Variants in SMG1 observed in about 807,000 individuals in gnomAD.
SMG1 encodes SMG1 nonsense mediated mRNA decay associated PI3K related kinase.
A neutral mutation model predicts 419.9 loss-of-function variants in SMG1; 22 were observed. The ratio of observed to expected loss-of-function variants is 0.05; its 90% CI spans 0.04 to 0.07. The LOEUF (loss-of-function observed/expected upper bound fraction) is 0.07. Among genes scored for constraint, SMG1 ranks in the 10% least tolerant of loss-of-function variants. The pLI is 1.00. For synonymous variants in SMG1, 1,538 were observed against 1,553.5 expected (o/e 0.99, Z 0.23); for missense variants, 3,185 against 4,342.0 (o/e 0.73, Z 7.49).
chr16:18,815,364 A>G (rs2031908968), intron 59 of SMG1, 76 bp downstream of exon 59: 2 of 1,570,560 alleles, frequency 1.3e-6, no homozygotes, highest in Admixed American at 3.5e-5. Flanking sequence ...CTGAAAAATT[A>G]AATCAAGAGA....
At chr16:18,846,527 T>TA (rs1166812421) in intron 38 of SMG1, among the ~76,000 whole-genome samples, 7 of 151,494 alleles carry the variant, frequency 4.6e-5, no homozygotes, top group Admixed American at 1.3e-4. Context: ...AATTCAACAA[T>TA]AAAAAAACAA....
intron 13 of SMG1, chr16:18,875,213 G>T (rs1402466190): frequency 6.6e-6 from 1 of 152,516 alleles, no homozygotes; most frequent in African/African-American, 2.4e-5. Flanking sequence ...CATCATACTG[G>T]TGCTCAAAAA....
intron 1 of SMG1, among the ~76,000 whole-genome samples, chr16:18,918,643 G>A (rs1485266038): frequency 6.6e-6 from 1 of 152,150 alleles, no homozygotes; most frequent in African/African-American, 2.4e-5. Context: ...TCACCTCCTG[G>A]GTTCAAGCGA....
At chr16:18,894,612 T>C (rs1373792572) in intron 3 of SMG1, among the ~76,000 whole-genome samples, 1 of 148,370 alleles carries the variant, frequency 6.7e-6, no homozygotes, top group Non-Finnish European at 1.5e-5. Context: ...TTAAAAGTTA[T>C]ATACCAACAA....
intron 1 of SMG1, among the ~76,000 whole-genome samples, chr16:18,898,630 G>A (rs528883292): frequency 3.3e-5 from 5 of 152,238 alleles, no homozygotes; most frequent in African/African-American, 1.2e-4. Flanking sequence ...GACAGAGTTT[G>A]AACTTTATAT....
intron 42 of SMG1, 143 bp from the exon 43 acceptor site, chr16:18,838,832 C>T: frequency 3.1e-6 from 2 of 647,816 alleles, no homozygotes; most frequent in Admixed American, 3.0e-5. Flanking sequence ...AAGCATTCCT[C>T]AAGGTTGCTG....
At chr16:18,812,194 A>T in intron 60 of SMG1, 67 bp from the exon 61 acceptor site, 1 of 1,483,012 alleles carries the variant, frequency 6.7e-7, no homozygotes, top group Non-Finnish European at 9.2e-7. Flanking sequence ...GAGTGGAGCA[A>T]GCACGGGATA....
intron 1 of SMG1, among the ~76,000 whole-genome samples, chr16:18,916,156 A>C (rs182080116): frequency 1.6e-4 from 24 of 151,384 alleles, no homozygotes; most frequent in Non-Finnish European, 2.9e-4. Flanking sequence ...AAGCACCACA[A>C]TAGAATTCAA....
rs1470967383 is a variant in SMG1 at position 18,805,992 on chromosome 16, CAAGT to C, written c.*3573_*3576del. On this transcript the variant is annotated 3_prime_UTR_variant, in exon 63 of 63. Coordinates refer to ENST00000446231, the MANE Select transcript of SMG1 (RefSeq NM_015092.5). ...TCCTTTGATTTCAGTACTGCCAAAA[CAAGT>C]AAGCCCCCAGAGTTAATTACAAAAA... is the stretch of plus-strand genomic sequence containing the variant. The C allele has an allele frequency of 6.6e-6, 1 of 152,492 alleles. No individual in the cohort carries two copies. Among genetic ancestry groups the C allele is most frequent in the Non-Finnish European group, 1.5e-5 (1 of 67,996 alleles). 9.4% of individuals were successfully genotyped at this position (152,492 alleles called of 1,614,324 possible). A position where few individuals can be genotyped will look rare whatever the true frequency, so the allele number is the denominator to read the frequency against.
intron 10 of SMG1, among the ~76,000 whole-genome samples, chr16:18,881,188 A>G (rs2036379479): frequency 6.6e-6 from 1 of 151,776 alleles, no homozygotes; most frequent in African/African-American, 2.4e-5. Context: ...AAGGCCTAAA[A>G]GATCCTCATA....
intron 6 of SMG1, among the ~76,000 whole-genome samples, chr16:18,886,533 T>A (rs2036619332): frequency 6.6e-6 from 1 of 152,230 alleles, no homozygotes; most frequent in Admixed American, 6.5e-5. Flanking sequence ...CTGGGTGCAG[T>A]GGCTCACACC....
In SMG1 at chr16:18,816,510, G is replaced by T. The variant is rs773658150; in HGVS notation, c.10094C>A (p.Pro3365His). 1 of 1,613,896 alleles carries T rather than the reference G, an allele frequency of 6.2e-7. No individual in the cohort carries two copies. Among genetic ancestry groups the T allele is most frequent in the South Asian group, 1.1e-5 (1 of 91,070 alleles). Reference protein sequence around the residue: ...LQRVDTGLEHPIGSSEWLLSA... With the variant: ...LQRVDTGLEHHIGSSEWLLSA... ...CAAAAGCCATTCAGAGCTGCCAATA[G>T]GATGTTCAAGACCAGTGTCCTAAAT... Residue 3365 changes from proline (P) to histidine (H), a missense_variant, in exon 58 of 63, where the codon CCT (proline) becomes CAT (histidine). Pro to His is a moderately conservative substitution (Grantham distance 77). Coordinates refer to ENST00000446231, the MANE Select transcript of SMG1 (RefSeq NM_015092.5).
chr16:18,871,823 C>T (rs1046754052), intron 15 of SMG1, among the ~76,000 whole-genome samples: 57 of 151,634 alleles, frequency 3.8e-4, no homozygotes, highest in African/African-American at 1.2e-3. Context: ...CCTGTAATCG[C>T]GGCTACTTGG....
At chr16:18,864,211 T>TG in intron 23 of SMG1, 67 bp from the exon 24 acceptor site, 1 of 1,285,622 alleles carries the variant, frequency 7.8e-7, no homozygotes, top group Non-Finnish European at 1.0e-6. Context: ...TTTTTTTTTT[T>TG]TGTGATGAAG....
At chr16:18,861,024 C>T in intron 25 of SMG1, 1 of 384,564 alleles carries the variant, frequency 2.6e-6, no homozygotes, top group South Asian at 2.9e-5. Flanking sequence ...GGAGCTGACT[C>T]GCCCCTGTGT....
chr16:18,879,477 A>G lies in SMG1; in HGVS notation c.1518+18T>C. 1.3e-6 allele frequency: 1 copy of G among 751,708 alleles called. No homozygotes were observed. 46.6% of individuals were successfully genotyped at this position (751,708 alleles called of 1,614,324 possible). On this transcript the variant is annotated intron_variant, in intron 11 of 62. Coordinates refer to ENST00000446231, the MANE Select transcript of SMG1 (RefSeq NM_015092.5). ...GAATAAACCAACACATTAAAAAGGA[A>G]AAGAATAATTCACATACCAGCGTGA...
chr16:18,890,253 C>T (rs1166527849), intron 5 of SMG1, among the ~76,000 whole-genome samples: 2 of 152,212 alleles, frequency 1.3e-5, no homozygotes, highest in Non-Finnish European at 1.5e-5. Flanking sequence ...TTTACAAAAA[C>T]TAATTTTATT....
In SMG1 at chr16:18,859,270, G is replaced by A. The variant is rs1051345676; in HGVS notation, c.3954-89C>T. On this transcript the variant is annotated intron_variant, in intron 27 of 62. Coordinates refer to ENST00000446231, the MANE Select transcript of SMG1 (RefSeq NM_015092.5). Reference sequence around the variant, plus strand: ...GCAATTGATAAGATGCTATCAAACTGACATCCAAAGTTAGGGGGCAGTAAG... The same window carrying A: ...GCAATTGATAAGATGCTATCAAACTAACATCCAAAGTTAGGGGGCAGTAAG... The A allele has an allele frequency of 9.2e-6, 9 of 982,426 alleles. No homozygotes were observed. The African/African-American group carries it at 1.3e-4, about 14-fold the overall frequency. 60.9% of individuals were successfully genotyped at this position (982,426 alleles called of 1,614,324 possible).
rs919259483 is a variant in SMG1, at chr16:18,806,847, T to G, written c.*2722A>C. 2.6e-5 allele frequency: 4 copies of G among 152,200 alleles called. No individual in the cohort carries two copies. Among genetic ancestry groups the G allele is most frequent in the African/African-American group, 9.7e-5 (4 of 41,450 alleles). The allele number at this position is 152,200 out of a possible 1,614,324, so 9.4% of individuals were successfully genotyped here. A position where few individuals can be genotyped will look rare whatever the true frequency, so the allele number is the denominator to read the frequency against. On this transcript the variant is annotated 3_prime_UTR_variant, in exon 63 of 63. Transcript: ENST00000446231. ...ATGTATGACTTCATAACTACAGCAC[T>G]CTAACTTTTCTCAGTCTAACTGCTG...
Sources: gnomAD v4.1 joint callset for allele counts (sites outside exome capture counted in the v4.1 genomes callset) on GRCh38, gnomAD v4.1.1 for gene constraint, MANE v1.5 for transcripts, NCBI Gene and HGNC (gene_info 2026-07-23, HGNC 2026-07-21) for gene names.